The following ZBTB34 variants were observed in gnomAD, a reference collection of about 807,000 sequenced individuals.
The protein encoded by ZBTB34 is zinc finger and BTB domain-containing protein 34.
ZBTB34 carries 1 observed loss-of-function variant against 33.4 expected under a neutral mutation model. The ratio of observed to expected loss-of-function variants is 0.03; its 90% confidence interval spans 0.01 to 0.14. The LOEUF is 0.14. ZBTB34 is among the 10% of genes least tolerant of loss of function. The pLI, the probability that ZBTB34 is intolerant of heterozygous loss-of-function variation, is 1.00. For synonymous variants in ZBTB34, 283 were observed against 253.5 expected (o/e 1.12, Z -1.11); for missense variants, 406 against 657.2 (o/e 0.62, Z 4.18).
chr9:126,863,145 C>CA (rs1187525768), intron 1 of ZBTB34, among the ~76,000 whole-genome samples: 1 of 152,146 alleles, frequency 6.6e-6, no homozygotes, highest in Non-Finnish European at 1.5e-5. Context: ...GCTTTGGAAT[C>CA]AGAGACCTGG....
At chr9:126,875,868 T>C (rs927661695) in intron 1 of ZBTB34, among the ~76,000 whole-genome samples, 1 of 152,092 alleles carries the variant, frequency 6.6e-6, no homozygotes, top group South Asian at 2.1e-4. Flanking sequence ...TCCCAGGCAC[T>C]GATGGGAATG....
chr9:126,867,011 T>C (rs1351941709), intron 1 of ZBTB34, among the ~76,000 whole-genome samples: 1 of 152,162 alleles, frequency 6.6e-6, no homozygotes, highest in African/African-American at 2.4e-5. Context: ...TGTTTTTGGC[T>C]AAATCTTAGC....
At chr9:126,885,602 C>G (rs2033511800) in exon 2 of ZBTB34, 1 of 167,098 alleles carries the variant, frequency 6.0e-6, no homozygotes, top group Non-Finnish European at 1.5e-5. Flanking sequence ...CAACTCCACA[C>G]TTCATCACCA....
rs554043343 is a variant in ZBTB34, at chr9:126,866,395, C to T, written c.-11+5656C>T. 2.0e-5 allele frequency among the ~76,000 whole-genome samples: 3 copies of T among 152,088 alleles called. 1 individual carries two copies. In the South Asian group the frequency reaches 6.2e-4, roughly 32 times the overall value. On this transcript the variant is annotated intron_variant, in intron 1 of 1. Transcript: ENST00000319119. ...AGGCCCTCCACCTTCTGACTGTGGC[C>T]TTCTCCTTCCATGGCCTTCCTTGTC...
intron 1 of ZBTB34, among the ~76,000 whole-genome samples, chr9:126,873,721 C>T (rs1284943948): frequency 2.0e-5 from 3 of 152,120 alleles, no homozygotes; most frequent in Non-Finnish European, 4.4e-5. Context: ...TCTCCTGCCT[C>T]GGCCTCCCGA....
chr9:126,871,350 T>G (rs1056527966), intron 1 of ZBTB34, among the ~76,000 whole-genome samples: 1 of 151,162 alleles, frequency 6.6e-6, no homozygotes, highest in Admixed American at 6.6e-5. Flanking sequence ...TGTGCTGCTA[T>G]GGAAAGATTT....
rs774753816 is a variant in ZBTB34 at position 126,879,695 on chromosome 9, A to C, written c.296A>C (p.Gln99Pro). Residue 99 changes from glutamine (Q) to proline (P), a missense_variant, in exon 2 of 2, where the codon CAG becomes CCG. By Grantham distance (76) the Gln-to-Pro change is moderately conservative. Around this residue, in one of 6 missense-constraint regions of ZBTB34, gnomAD observed 50 missense variants for 157.9 expected, o/e 0.32. Transcript: ENST00000319119. This position sits in a 1 kb window ranked among gnomAD's most constrained non-coding sequence, Gnocchi z 6.4. ...TGTTACACTGGAAGAATGTCCTTGC[A>C]GCTGAAGGATGTTGTCAGTTTTCTG... 1 of 1,613,646 alleles carries C rather than the reference A, an allele frequency of 6.2e-7. No homozygotes were observed. Among genetic ancestry groups the C allele is most frequent in the Non-Finnish European group, 8.5e-7 (1 of 1,179,894 alleles).
intron 1 of ZBTB34, among the ~76,000 whole-genome samples, chr9:126,873,483 C>G (rs750007667): frequency 3.3e-5 from 5 of 152,082 alleles, no homozygotes; most frequent in Admixed American, 2.0e-4. Flanking sequence ...AGGCTGGTCT[C>G]GAACTCCTGA....
chr9:126,864,962 C>CA (rs1426315243), intron 1 of ZBTB34, among the ~76,000 whole-genome samples: 1 of 152,150 alleles, frequency 6.6e-6, no homozygotes, highest in East Asian at 1.9e-4. Flanking sequence ...TCTCAGGTAT[C>CA]AGCAAATGAC....
intron 1 of ZBTB34, chr9:126,863,560 C>A: frequency 3.4e-6 from 1 of 298,322 alleles, no homozygotes; most frequent in Non-Finnish European, 5.0e-6. Flanking sequence ...GTTTTTCAAA[C>A]TTCTTAATTG....
intron 1 of ZBTB34, among the ~76,000 whole-genome samples, chr9:126,873,108 C>T (rs2033302895): frequency 6.6e-6 from 1 of 152,180 alleles, no homozygotes; most frequent in South Asian, 2.1e-4. Flanking sequence ...ACCCACCTTC[C>T]TTTTGTCCTT....
intron 1 of ZBTB34, among the ~76,000 whole-genome samples, chr9:126,867,765 G>T (rs201192907): frequency 3.4e-3 from 451 of 131,138 alleles, no homozygotes; most frequent in Non-Finnish European, 5.6e-3. Flanking sequence ...TCATTTTTTT[G>T]TTTTTTTTTT....
At chr9:126,883,589 C>T (rs1432932032) in exon 2 of ZBTB34, 1 of 167,070 alleles carries the variant, frequency 6.0e-6, no homozygotes, top group Non-Finnish European at 1.5e-5. Context: ...TGTTAAGGGG[C>T]AGAAAATTGA....
exon 2 of ZBTB34, chr9:126,882,948 A>T (rs2033464188): frequency 6.0e-6 from 1 of 166,966 alleles, no homozygotes; most frequent in African/African-American, 2.4e-5. Context: ...CTCCCTACAG[A>T]TTACACTCTA....
At chr9:126,866,340 A>C (rs954391881) in intron 1 of ZBTB34, among the ~76,000 whole-genome samples, 1 of 152,072 alleles carries the variant, frequency 6.6e-6, no homozygotes. Flanking sequence ...TGCTGCCGCC[A>C]GAATTCTGTT....
In ZBTB34 at chr9:126,879,558, C is replaced by T. The variant is rs78916928; in HGVS notation, c.159C>T (p.Val53=). The change falls in exon 2 of 2, where the codon GTC becomes GTT. Residue 53 remains valine, a synonymous_variant. Transcript: ENST00000319119. The surrounding 1 kb of genome is among the most constrained non-coding windows in gnomAD (Gnocchi z 6.4). Reference sequence around the variant, plus strand: ...AGCCATTCCGAGCCCACAAAGCAGTCCTTGCTGCCAGCTCCCCATATTTCC... The same window carrying T: ...AGCCATTCCGAGCCCACAAAGCAGTTCTTGCTGCCAGCTCCCCATATTTCC... 4.1e-4 allele frequency: 659 copies of T among 1,613,886 alleles called. No homozygotes were observed. The highest frequency in any genetic ancestry group is 5.1e-4 in the Non-Finnish European group (606 of 1,179,836).
intron 1 of ZBTB34, among the ~76,000 whole-genome samples, chr9:126,878,091 T>C (rs954423262): frequency 6.6e-6 from 1 of 152,024 alleles, no homozygotes; most frequent in Non-Finnish European, 1.5e-5. Flanking sequence ...ATCCTAGCAC[T>C]TTGGGAAGCT....
chr9:126,880,929 G>A lies in ZBTB34; in HGVS notation c.*15G>A. 6.3e-7 allele frequency: 1 copy of A among 1,593,126 alleles called. No homozygotes were observed. The highest frequency in any genetic ancestry group is 8.6e-7 in the Non-Finnish European group (1 of 1,168,362). ...CTCCCGATTAAGATGGTAAAGAAGT[G>A]CACCCAAACAAAGCACATTAATCAA... is the stretch of plus-strand genomic sequence containing the variant. On this transcript the variant is annotated 3_prime_UTR_variant, in exon 2 of 2. Transcript: ENST00000319119. This position sits in a 1 kb window ranked among gnomAD's most constrained non-coding sequence, Gnocchi z 6.7.
chr9:126,880,743 C>T lies in ZBTB34; in HGVS notation c.1344C>T (p.Asn448=). 1 of 1,613,780 alleles carries T rather than the reference C, an allele frequency of 6.2e-7. No individual in the cohort carries two copies. The highest frequency in any genetic ancestry group is 8.5e-7 in the Non-Finnish European group (1 of 1,179,892). ...GCTTTCCATTCCAAGGTACCCTCAA[C>T]CAGCACTTGCGGAAAAACCACCCAG... is the stretch of plus-strand genomic sequence containing the variant. The change falls in exon 2 of 2, where the codon AAC becomes AAT. Residue 448 remains asparagine (N), a synonymous_variant. Coordinates refer to ENST00000319119, the Ensembl canonical transcript of ZBTB34. The surrounding 1 kb of genome is among the most constrained non-coding windows in gnomAD (Gnocchi z 6.7).
Sources: allele counts gnomAD v4.1 joint callset (sites outside exome capture counted in the v4.1 genomes callset), GRCh38; gene constraint gnomAD v4.1.1; regional missense constraint gnomAD v4.1.1; non-coding constraint Gnocchi (gnomAD v3.1); transcripts MANE v1.5; gene names NCBI Gene and HGNC (gene_info 2026-07-23, HGNC 2026-07-21).